SDK1: variants seen among roughly 807,000 people sequenced by gnomAD.
SDK1 encodes sidekick cell adhesion molecule 1.
In SDK1, 157 loss-of-function variants were observed where a neutral mutation model predicts 245.5. The observed-to-expected ratio is 0.64, with a 90% confidence interval of 0.56 to 0.73. The LOEUF (loss-of-function observed/expected upper bound fraction) is 0.73, where lower values mean the gene tolerates loss of function less well. Ranked by LOEUF, SDK1 falls within the 30% of genes least tolerant of loss-of-function variation. The pLI, the probability that SDK1 is intolerant of heterozygous loss-of-function variation, is 0.00. For synonymous variants in SDK1, 1,647 were observed against 1,278.5 expected, an observed-to-expected ratio of 1.29 and a Z score of -6.15; for missense variants, 3,583 against 3,002.3, an observed-to-expected ratio of 1.19 and a Z score of -4.52.
At chr7:3,813,759 C>G (rs1779442542) in intron 4 of SDK1, among the ~76,000 whole-genome samples, 1 of 110,556 alleles carries the variant, frequency 9.0e-6, no homozygotes, top group Non-Finnish European at 1.8e-5. Context: ...TTCTCCACAT[C>G]CTCTCCAGCA....
intron 13 of SDK1, among the ~76,000 whole-genome samples, chr7:3,985,063 G>A (rs1385984482): frequency 2.0e-5 from 3 of 152,126 alleles, no homozygotes; most frequent in African/African-American, 7.2e-5. Context: ...AGGCTGAGCC[G>A]TCACCACTGG....
At position 3,467,587 on chromosome 7, in the gene SDK1, A is replaced by G. The variant is rs557369906; in HGVS notation, c.299-151493A>G. Reference sequence around the variant, plus strand: ...TATAGTAAATTATTTTAAAGTCAGTATCTGTACTAAAGTATGATAGAAGTT... The same window carrying G: ...TATAGTAAATTATTTTAAAGTCAGTGTCTGTACTAAAGTATGATAGAAGTT... On this transcript the variant is annotated intron_variant, in intron 1 of 44. Coordinates refer to ENST00000404826, the MANE Select transcript of SDK1 (RefSeq NM_152744.4). Among the ~76,000 whole-genome samples, 88 of 152,170 alleles carry G rather than the reference A, an allele frequency of 5.8e-4. 1 individual carries two copies. The highest frequency in any genetic ancestry group is 2.0e-3 in the African/African-American group (85 of 41,560).
intron 1 of SDK1, among the ~76,000 whole-genome samples, chr7:3,376,022 G>A (rs535720586): frequency 6.6e-6 from 1 of 152,270 alleles, no homozygotes; most frequent in African/African-American, 2.4e-5. Flanking sequence ...GATTCTTACT[G>A]AATTCTGCAT....
intron 17 of SDK1, among the ~76,000 whole-genome samples, chr7:4,020,120 C>G (rs576542941): frequency 6.6e-6 from 1 of 151,994 alleles, no homozygotes; most frequent in African/African-American, 2.4e-5. Flanking sequence ...GTCTCGGAGA[C>G]GCCGGGCACC....
chr7:3,340,127 T>C (rs919996693), intron 1 of SDK1, among the ~76,000 whole-genome samples: 1 of 152,060 alleles, frequency 6.6e-6, no homozygotes, highest in African/African-American at 2.4e-5. Flanking sequence ...CTTTTTATTT[T>C]AGTTTTTCTC....
chr7:3,384,632 C>T (rs796214854), intron 1 of SDK1, among the ~76,000 whole-genome samples: 8 of 152,314 alleles, frequency 5.3e-5, no homozygotes, highest in South Asian at 2.1e-4. Context: ...TCTACACAAC[C>T]GTCTTGAGAT....
intron 17 of SDK1, among the ~76,000 whole-genome samples, chr7:4,046,858 G>A (rs930336092): frequency 6.6e-6 from 1 of 150,674 alleles, no homozygotes; most frequent in Non-Finnish European, 1.5e-5. Flanking sequence ...GTCTTGCTCT[G>A]TAACCCAGGC....
intron 5 of SDK1, among the ~76,000 whole-genome samples, chr7:3,946,201 A>G (rs1035895876): frequency 6.6e-6 from 1 of 151,982 alleles, no homozygotes; most frequent in Non-Finnish European, 1.5e-5. Context: ...TTTTTGAGAC[A>G]GGGTCTTGCT....
At chr7:4,153,968 A>G (rs777251786) in intron 30 of SDK1, among the ~76,000 whole-genome samples, 5 of 152,322 alleles carry the variant, frequency 3.3e-5, no homozygotes, top group Middle Eastern at 3.4e-3. Context: ...GGCATGAGCT[A>G]ACATGCCCGG....
chr7:3,524,492 A>C (rs1783052668), intron 1 of SDK1, among the ~76,000 whole-genome samples: 1 of 152,192 alleles, frequency 6.6e-6, no homozygotes, highest in Admixed American at 6.5e-5. Flanking sequence ...TTTAAAGGCT[A>C]TGCCAAACAG....
At chr7:3,353,330 G>A (rs1191480091) in intron 1 of SDK1, among the ~76,000 whole-genome samples, 1 of 152,002 alleles carries the variant, frequency 6.6e-6, no homozygotes, top group African/African-American at 2.4e-5. Context: ...AAAATTGATG[G>A]CATTTGGAAT....
chr7:3,679,377 T>G (rs978266045), intron 4 of SDK1, among the ~76,000 whole-genome samples: 4 of 152,050 alleles, frequency 2.6e-5, no homozygotes, highest in Non-Finnish European at 4.4e-5. Flanking sequence ...CCATCCTGGC[T>G]AACATGGTGA....
intron 22 of SDK1, among the ~76,000 whole-genome samples, chr7:4,084,732 T>TTATGTTA (rs371969484): frequency 5.3e-4 from 47 of 89,232 alleles, no homozygotes; most frequent in African/African-American, 2.2e-3. Context: ...TTATGTTATG[T>TTATGTTA]TGTTACTTAA....
chr7:3,676,666 C>A (rs546198078), intron 4 of SDK1, among the ~76,000 whole-genome samples: 1 of 152,298 alleles, frequency 6.6e-6, no homozygotes. Context: ...ATATTTAAGT[C>A]TTTAAACCAT....
rs1156669638 is a variant in SDK1, at chr7:3,937,994, C to T, written c.848-12929C>T. Among the ~76,000 whole-genome samples, 5 of 152,144 alleles carry T rather than the reference C, an allele frequency of 3.3e-5. No individual in the cohort carries two copies. In the East Asian group the frequency reaches 7.7e-4, roughly 24 times the overall value. On this transcript the variant is annotated intron_variant, in intron 5 of 44. Transcript: ENST00000404826. The stretch of plus-strand genomic sequence containing the variant: ...CTGGGATTACAGGCACCTACCACCA[C>T]GCCCGGCTAATTTTGTATATTTAGT...
At chr7:3,432,112 TAAAAA>T (rs202224777) in intron 1 of SDK1, among the ~76,000 whole-genome samples, 1 of 84,262 alleles carries the variant, frequency 1.2e-5, no homozygotes, top group Admixed American at 1.3e-4. Context: ...CAGGCTGCAG[TAAAAA>T]AAAAAAAATA....
intron 22 of SDK1, among the ~76,000 whole-genome samples, chr7:4,096,825 G>A (rs1782177783): frequency 6.6e-6 from 1 of 151,994 alleles, no homozygotes; most frequent in Non-Finnish European, 1.5e-5. Context: ...CAGGGGCCGG[G>A]GACACTGAAA....
At chr7:3,456,844 T>C (rs1780684275) in intron 1 of SDK1, among the ~76,000 whole-genome samples, 1 of 152,208 alleles carries the variant, frequency 6.6e-6, no homozygotes, top group African/African-American at 2.4e-5. Flanking sequence ...TTATTTTAGC[T>C]GACAGCCCCC....
At chr7:3,350,027 C>G (rs1780616209) in intron 1 of SDK1, among the ~76,000 whole-genome samples, 1 of 152,178 alleles carries the variant, frequency 6.6e-6, no homozygotes, top group African/African-American at 2.4e-5. Flanking sequence ...TTGTGCCTCT[C>G]ACATTTATGC....
Sources: gnomAD v4.1 joint callset for allele counts (sites outside exome capture counted in the v4.1 genomes callset) on GRCh38, gnomAD v4.1.1 for gene constraint, MANE v1.5 for transcripts, NCBI Gene and HGNC (gene_info 2026-07-23, HGNC 2026-07-21) for gene names.